The following CELF4 variants were observed in gnomAD, a reference collection of about 807,000 sequenced individuals.
CELF4 encodes CUG-BP- and ETR-3-like factor 4.
CELF4 carries 18 observed loss-of-function variants against 59.9 expected under a neutral mutation model. That is an observed-to-expected ratio of 0.30 (90% CI 0.21 to 0.45). CELF4 has a LOEUF of 0.45. CELF4 is among the 20% of genes least tolerant of loss of function. The probability of loss-of-function intolerance (pLI) is 1.00; values close to 1 mark genes in which losing one functional copy is unlikely to be tolerated. For missense variants in CELF4, 456 were observed against 689.0 expected, an observed-to-expected ratio of 0.66 and a Z score of 3.79; for synonymous variants, 261 against 267.1, an observed-to-expected ratio of 0.98 and a Z score of 0.22.
intron 3 of CELF4, among the ~76,000 whole-genome samples, chr18:37,305,138 A>G (rs958859779): frequency 1.3e-5 from 2 of 152,216 alleles, no homozygotes; most frequent in African/African-American, 4.8e-5. Context: ...AAAGCATCTT[A>G]TAAAACTCGA....
intron 12 of CELF4, among the ~76,000 whole-genome samples, chr18:37,248,033 CA>C (rs1485723428): frequency 6.6e-6 from 1 of 152,148 alleles, no homozygotes; most frequent in Non-Finnish European, 1.5e-5. Context: ...GGTCCATCTA[CA>C]AAATGCTTTG....
chr18:37,265,943 GAC>G (rs1339649277), intron 9 of CELF4, among the ~76,000 whole-genome samples: 13 of 152,174 alleles, frequency 8.5e-5, no homozygotes, highest in Non-Finnish European at 1.9e-4. Context: ...AAGCCTGGCT[GAC>G]AGCTCGGCTT....
At chr18:37,438,107 C>T (rs1053188178) in intron 2 of CELF4, among the ~76,000 whole-genome samples, 4 of 152,178 alleles carry the variant, frequency 2.6e-5, no homozygotes, top group Admixed American at 2.6e-4. Flanking sequence ...TTTGGACTTC[C>T]CAGCCCCCAG....
chr18:37,520,457 G>T (rs1013929876), intron 1 of CELF4, among the ~76,000 whole-genome samples: 1 of 152,146 alleles, frequency 6.6e-6, no homozygotes, highest in Non-Finnish European at 1.5e-5. Context: ...TCCATTCAAA[G>T]AGCAGGTTTT....
Position 37,325,866 on chromosome 18 carries a change from G to A in CELF4, c.370-3985C>T, listed in dbSNP as rs1178533230. On this transcript the variant is annotated intron_variant, in intron 2 of 12. Coordinates refer to ENST00000420428, the MANE Select transcript of CELF4 (RefSeq NM_020180.4). ...GGTGGTCAGCATCCAGACAGCCTTTGAGGGGCTTGTCAGAGAGGTGCCGGG... is the reference window on the plus strand; with the variant it reads ...GGTGGTCAGCATCCAGACAGCCTTTAAGGGGCTTGTCAGAGAGGTGCCGGG... 2.6e-5 allele frequency among the ~76,000 whole-genome samples: 4 copies of A among 152,256 alleles called. No homozygotes were observed. In the East Asian group the frequency reaches 7.7e-4, roughly 29 times the overall value.
intron 1 of CELF4, among the ~76,000 whole-genome samples, chr18:37,561,814 C>T (rs943511105): frequency 5.9e-5 from 9 of 152,198 alleles, no homozygotes; most frequent in African/African-American, 2.2e-4. Flanking sequence ...ATTTCTGCTG[C>T]TACCCGAGGA....
chr18:37,451,708 C>T (rs2099764601), intron 2 of CELF4, among the ~76,000 whole-genome samples: 1 of 152,180 alleles, frequency 6.6e-6, no homozygotes, highest in Admixed American at 6.5e-5. Flanking sequence ...AGCACCCAGT[C>T]AGCACACCCT....
chr18:37,362,353 G>T (rs960975113), intron 2 of CELF4, among the ~76,000 whole-genome samples: 1 of 152,182 alleles, frequency 6.6e-6, no homozygotes, highest in Non-Finnish European at 1.5e-5. Flanking sequence ...ATCACTCCCC[G>T]GCGGCAGCCG....
chr18:37,297,859 C>T (rs1310141372), intron 3 of CELF4, among the ~76,000 whole-genome samples: 2 of 152,208 alleles, frequency 1.3e-5, no homozygotes, highest in Non-Finnish European at 2.9e-5. Flanking sequence ...GGGGCCTGGG[C>T]CATGCAAAGG....
chr18:37,430,449 C>T (rs565824230), intron 2 of CELF4, among the ~76,000 whole-genome samples: 1 of 152,308 alleles, frequency 6.6e-6, no homozygotes, highest in South Asian at 2.1e-4. Context: ...GGGCCCTCCA[C>T]CCCCACTCCA....
At chr18:37,334,121 C>T (rs2097674153) in intron 2 of CELF4, among the ~76,000 whole-genome samples, 1 of 152,178 alleles carries the variant, frequency 6.6e-6, no homozygotes, top group Admixed American at 6.5e-5. Context: ...TGGAGTTAGG[C>T]TCCCTCCTGC....
Position 37,245,549 on chromosome 18 carries a change from C to T in CELF4, c.*45-352G>A, listed in dbSNP as rs1043476344. Reference sequence around the variant, plus strand: ...GATATGAATTCATAATTAAACTTGTCTCTGAGGGATCTAGCCCAGATACAA... The same window carrying T: ...GATATGAATTCATAATTAAACTTGTTTCTGAGGGATCTAGCCCAGATACAA... On this transcript the variant is annotated intron_variant, in intron 12 of 12. Transcript: ENST00000420428. The surrounding 1 kb of genome is among the most constrained non-coding windows in gnomAD (Gnocchi z 4.1). 2.0e-5 allele frequency among the ~76,000 whole-genome samples: 3 copies of T among 151,892 alleles called. No individual in the cohort carries two copies. Among genetic ancestry groups the T allele is most frequent in the Admixed American group, 1.3e-4 (2 of 15,250 alleles).
intron 1 of CELF4, among the ~76,000 whole-genome samples, chr18:37,512,869 CCTT>C (rs1367502830): frequency 3.9e-5 from 6 of 152,142 alleles, no homozygotes; most frequent in Non-Finnish European, 5.9e-5. Flanking sequence ...TCCTCCTCCT[CCTT>C]CTCCTCTCTG....
At chr18:37,560,249 C>T (rs913862915) in intron 1 of CELF4, among the ~76,000 whole-genome samples, 16 of 152,316 alleles carry the variant, frequency 1.1e-4, no homozygotes, top group Non-Finnish European at 1.8e-4. Context: ...AAAACATATA[C>T]GTGCATATGT....
chr18:37,529,428 G>A (rs1291445170), intron 1 of CELF4, among the ~76,000 whole-genome samples: 7 of 152,206 alleles, frequency 4.6e-5, no homozygotes, highest in Non-Finnish European at 7.3e-5. Context: ...CTGGCGCGAC[G>A]TAGCATACCA....
intron 6 of CELF4, chr18:37,273,772 C>T: frequency 2.0e-6 from 2 of 989,094 alleles, no homozygotes; most frequent in Non-Finnish European, 2.4e-6. Flanking sequence ...GGTTACCAGT[C>T]TGCAGGCAGC....
Position 37,459,869 on chromosome 18 carries a change from G to T in CELF4, c.369+25656C>A, listed in dbSNP as rs192523562. The stretch of plus-strand genomic sequence containing the variant: ...CTAACAACACACCAACTTGTTTTTT[G>T]TGTGTGTGTGAAGATGCTTTCTTCT... On this transcript the variant is annotated intron_variant, in intron 2 of 12. Transcript: ENST00000420428. Among the ~76,000 whole-genome samples the T allele has an allele frequency of 5.1e-3, 773 of 152,234 alleles. 7 individuals are homozygous for T. The highest frequency in any genetic ancestry group is 0.018 in the African/African-American group (736 of 41,542).
intron 2 of CELF4, among the ~76,000 whole-genome samples, chr18:37,336,511 C>T (rs572084388): frequency 6.6e-6 from 1 of 152,280 alleles, no homozygotes; most frequent in African/African-American, 2.4e-5. Flanking sequence ...CATGGCCTCC[C>T]CTCCACAAGC....
intron 2 of CELF4, among the ~76,000 whole-genome samples, chr18:37,458,438 C>A (rs1003508156): frequency 6.6e-6 from 1 of 152,210 alleles, no homozygotes; most frequent in African/African-American, 2.4e-5. Context: ...CCATTATCAC[C>A]TTTGGGCTTA....
Sources: allele counts gnomAD v4.1 joint callset (sites outside exome capture counted in the v4.1 genomes callset), GRCh38; gene constraint gnomAD v4.1.1; non-coding constraint Gnocchi (gnomAD v3.1); transcripts MANE v1.5; gene names NCBI Gene and HGNC (gene_info 2026-07-23, HGNC 2026-07-21).